Variants in PSME4 observed in about 807,000 individuals in gnomAD.
The protein encoded by PSME4 is proteasome activator subunit 4.
A neutral mutation model predicts 253.9 loss-of-function variants in PSME4; 89 were observed. That is an observed-to-expected ratio of 0.35 (90% CI 0.30 to 0.42). PSME4 has a LOEUF of 0.42. PSME4 is among the 10% of genes least tolerant of loss of function. The pLI is 1.00. For synonymous variants in PSME4, 851 were observed against 759.2 expected (o/e 1.12, Z -1.99); for missense variants, 2,014 against 2,195.2 (o/e 0.92, Z 1.65).
intron 1 of PSME4, among the ~76,000 whole-genome samples, chr2:53,949,581 A>T (rs1007486890): frequency 1.3e-4 from 20 of 152,112 alleles, no homozygotes; most frequent in Non-Finnish European, 2.1e-4. Context: ...ATTCAGTCTT[A>T]AAAAAGAAGG....
chr2:53,913,327 A>G (rs1482122895), intron 20 of PSME4, among the ~76,000 whole-genome samples: 1 of 152,224 alleles, frequency 6.6e-6, no homozygotes, highest in Non-Finnish European at 1.5e-5. Flanking sequence ...AGATATGATT[A>G]GAGCAGGACT....
chr2:53,954,415 G>C (rs1280446634), intron 1 of PSME4, among the ~76,000 whole-genome samples: 2 of 152,152 alleles, frequency 1.3e-5, no homozygotes. Flanking sequence ...AGAAGCAGGA[G>C]AATCACTTGA....
intron 29 of PSME4, among the ~76,000 whole-genome samples, chr2:53,899,528 T>C (rs1307194217): frequency 6.6e-6 from 1 of 152,084 alleles, no homozygotes; most frequent in Non-Finnish European, 1.5e-5. Flanking sequence ...TGTTAAAAAC[T>C]TACTATCGGC....
intron 21 of PSME4, among the ~76,000 whole-genome samples, chr2:53,909,836 C>A (rs1407549586): frequency 6.6e-6 from 1 of 152,038 alleles, no homozygotes; most frequent in Non-Finnish European, 1.5e-5. Context: ...GTGGTGCACA[C>A]CTGTAATCCT....
chr2:53,953,527 G>C (rs1263980712), intron 1 of PSME4, among the ~76,000 whole-genome samples: 1 of 148,344 alleles, frequency 6.7e-6, no homozygotes, highest in Non-Finnish European at 1.5e-5. Context: ...GAACTATGCA[G>C]GGTAACTTTT....
At chr2:53,912,976 C>T (rs772727892) in intron 20 of PSME4, among the ~76,000 whole-genome samples, 7 of 152,166 alleles carry the variant, frequency 4.6e-5, no homozygotes, top group Non-Finnish European at 1.0e-4. Context: ...TATATTCTGA[C>T]TAAAAGCTAT....
intron 3 of PSME4, among the ~76,000 whole-genome samples, chr2:53,946,413 T>C (rs1195595691): frequency 2.0e-5 from 3 of 152,206 alleles, no homozygotes; most frequent in Non-Finnish European, 4.4e-5. Context: ...TAGTGAAGCC[T>C]GTCTATGGCC....
At chr2:53,966,859 C>T (rs752343682) in intron 1 of PSME4, among the ~76,000 whole-genome samples, 24 of 152,136 alleles carry the variant, frequency 1.6e-4, no homozygotes, top group Non-Finnish European at 2.8e-4. Flanking sequence ...ACCACCATGC[C>T]AGGCTAATTT....
At position 53,925,849 on chromosome 2, in the gene PSME4, C is replaced by G. The variant is rs754432412; in HGVS notation, c.1658+110G>C. ...TTATCCTTTTATAACTTCAGGAGCA[C>G]CAGTAGTAGCTAAATAAAGGTTATA... is the stretch of plus-strand genomic sequence containing the variant. On this transcript the variant is annotated intron_variant, in intron 13 of 46. Transcript: ENST00000404125. 2.4e-6 allele frequency: 3 copies of G among 1,264,310 alleles called. No individual in the cohort carries two copies. The African/African-American group carries it at 4.5e-5, about 19-fold the overall frequency. The allele number at this position is 1,264,310 out of a possible 1,614,324, so 78.3% of individuals were successfully genotyped here. A position where few individuals can be genotyped will look rare whatever the true frequency, so the allele number is the denominator to read the frequency against.
rs1314465067 is a variant in PSME4 at position 53,931,314 on chromosome 2, C to T, written c.1316+521G>A. ...GCTGTCTCTCTCTTTGTAAGTATAC[C>T]ACGCCTATTCTGTGACAGTGGCTAG... On this transcript the variant is annotated intron_variant, in intron 10 of 46. Coordinates refer to ENST00000404125, the MANE Select transcript of PSME4 (RefSeq NM_014614.3). 2.0e-5 allele frequency among the ~76,000 whole-genome samples: 3 copies of T among 152,076 alleles called. No homozygotes were observed. In the South Asian group the frequency reaches 6.2e-4, roughly 32 times the overall value.
chr2:53,885,794 T>C lies in PSME4; in HGVS notation c.4730-19A>G, dbSNP rs145977337. 145 of 1,569,686 alleles carry C rather than the reference T, an allele frequency of 9.2e-5. No homozygotes were observed. The African/African-American group carries it at 1.7e-3, about 19-fold the overall frequency. On this transcript the variant is annotated intron_variant, in intron 40 of 46. Coordinates refer to ENST00000404125, the MANE Select transcript of PSME4 (RefSeq NM_014614.3). ...TTCAATACTATTTTGAAAACAAAGA[T>C]GCAGAGTAAGTCTTTGCCATTCATT...
Position 53,900,037 on chromosome 2 carries a change from C to G in PSME4, c.3286-20G>C. ...TGGAATCTTGTTAAAAAGAAAAAAGCAGGAAAAAAAATGAAGTTCTGATGC... is the reference window on the plus strand; with the variant it reads ...TGGAATCTTGTTAAAAAGAAAAAAGGAGGAAAAAAAATGAAGTTCTGATGC... On this transcript the variant is annotated intron_variant, in intron 28 of 46. Coordinates refer to ENST00000404125, the MANE Select transcript of PSME4 (RefSeq NM_014614.3). 1.2e-6 allele frequency: 2 copies of G among 1,600,692 alleles called. No homozygotes were observed. The highest frequency in any genetic ancestry group is 2.3e-5 in the South Asian group (2 of 88,510).
intron 1 of PSME4, among the ~76,000 whole-genome samples, chr2:53,967,625 C>G (rs953326117): frequency 1.9e-5 from 2 of 107,014 alleles, no homozygotes; most frequent in African/African-American, 3.7e-5. Flanking sequence ...TATCTTGTGT[C>G]TGGGCAACAG....
intron 12 of PSME4, 83 bp downstream of exon 12, chr2:53,927,311 T>C (rs946001413): frequency 9.9e-7 from 1 of 1,010,620 alleles, no homozygotes; most frequent in Admixed American, 1.9e-5. Context: ...TCCAAAGTCG[T>C]TTCTAAACTG....
chr2:53,925,624 AT>A lies in PSME4; in HGVS notation c.1723del (p.Met575Ter). On this transcript the variant is annotated frameshift_variant, in exon 14 of 47. Coordinates refer to ENST00000404125, the MANE Select transcript of PSME4 (RefSeq NM_014614.3). LOFTEE classifies it high-confidence loss of function. ...QTREETETEKMTHLESLVELG... is the reference protein window; with the variant it reads ...QTREETETEKXTHLESLVELG... ...TTCGACCAAACTCTCCAAGTGTGTC[AT>A]TTTCTCAGTTTCTGTCTCTTCTCTT... The A allele has an allele frequency of 6.2e-7, 1 of 1,611,428 alleles. No individual in the cohort carries two copies.
chr2:53,875,582 A>C, intron 42 of PSME4, 45 bp downstream of exon 42: 1 of 1,557,972 alleles, frequency 6.4e-7, no homozygotes, highest in South Asian at 1.2e-5. Context: ...AGAATGGTAA[A>C]CCAAAATCCT....
chr2:53,901,290 G>C, intron 28 of PSME4, 60 bp downstream of exon 28: 1 of 1,418,804 alleles, frequency 7.0e-7, no homozygotes, highest in Non-Finnish European at 9.9e-7. Context: ...GAAAAATAAA[G>C]GGCATTTTAA....
At position 53,892,933 on chromosome 2, in the gene PSME4, A is replaced by C; in HGVS notation, c.4066T>G (p.Phe1356Val). The change falls in exon 36 of 47, where the codon TTC (phenylalanine) becomes GTC (valine). Residue 1356 changes from phenylalanine (F) to valine (V), a missense_variant. Coordinates refer to ENST00000404125, the MANE Select transcript of PSME4 (RefSeq NM_014614.3). ...AAATGGGGCTTCAGAACTGGCAGGAAGGCATCATCAAAATTCCTGAATATA... is the reference window on the plus strand; with the variant it reads ...AAATGGGGCTTCAGAACTGGCAGGACGGCATCATCAAAATTCCTGAATATA... ...KGIFRNFDDA[F>V]LPVLKPHLEH... 6.2e-7 allele frequency: 1 copy of C among 1,613,522 alleles called. No individual in the cohort carries two copies. The highest frequency in any genetic ancestry group is 8.5e-7 in the Non-Finnish European group (1 of 1,179,790).
chr2:53,963,033 T>C (rs1264088634), intron 1 of PSME4, among the ~76,000 whole-genome samples: 1 of 145,074 alleles, frequency 6.9e-6, no homozygotes, highest in South Asian at 2.2e-4. Flanking sequence ...AAAGGACACA[T>C]ACCATATGCA....
Sources: allele counts gnomAD v4.1 joint callset (sites outside exome capture counted in the v4.1 genomes callset), GRCh38; gene constraint gnomAD v4.1.1; transcripts MANE v1.5; gene names NCBI Gene and HGNC (gene_info 2026-07-23, HGNC 2026-07-21).